ZNF385B: variants seen among roughly 807,000 people sequenced by gnomAD.
ZNF385B encodes the protein zinc finger protein 385B, also known as zinc finger protein 533.
In ZNF385B, 23 loss-of-function variants were observed where a neutral mutation model predicts 39.2. The ratio of observed to expected loss-of-function variants is 0.59; its 90% CI spans 0.42 to 0.83. The LOEUF (loss-of-function observed/expected upper bound fraction) is 0.83. ZNF385B is among the 40% of genes least tolerant of loss of function. ZNF385B has a pLI of 0.00. For synonymous variants in ZNF385B, 205 were observed against 222.6 expected (o/e 0.92, Z 0.70); for missense variants, 552 against 598.9 (o/e 0.92, Z 0.82).
intron 1 of ZNF385B, among the ~76,000 whole-genome samples, chr2:179,843,410 T>G (rs1237675269): frequency 2.6e-5 from 4 of 152,240 alleles, no homozygotes; most frequent in African/African-American, 4.8e-5. Context: ...TAGATTCATT[T>G]TGTTAACAGA....
intron 5 of ZNF385B, among the ~76,000 whole-genome samples, chr2:179,494,350 G>A (rs1030872812): frequency 6.6e-6 from 1 of 152,134 alleles, no homozygotes; most frequent in Non-Finnish European, 1.5e-5. Context: ...GTTGCTGTAT[G>A]GAGAACCAAC....
At chr2:179,592,054 A>G (rs1687610045) in intron 3 of ZNF385B, among the ~76,000 whole-genome samples, 1 of 152,224 alleles carries the variant, frequency 6.6e-6, no homozygotes, top group Admixed American at 6.5e-5. Context: ...TATCTTTTCA[A>G]AAGTTACACC....
Position 179,662,641 on chromosome 2 carries a change from C to T in ZNF385B, c.298+106862G>A, listed in dbSNP as rs569689118. The stretch of plus-strand genomic sequence containing the variant: ...GGAACTGGGATGTTTTCCATTTGTA[C>T]TCTCCTTAATTCTTCCTTAATCAGG... On this transcript the variant is annotated intron_variant, in intron 3 of 9. Coordinates refer to ENST00000410066, the MANE Select transcript of ZNF385B (RefSeq NM_152520.6). Among the ~76,000 whole-genome samples, 7 of 152,264 alleles carry T rather than the reference C, an allele frequency of 4.6e-5. No individual in the cohort carries two copies. In the South Asian group the frequency reaches 1.2e-3, roughly 27 times the overall value.
intron 5 of ZNF385B, among the ~76,000 whole-genome samples, chr2:179,494,556 G>A (rs1416815472): frequency 6.6e-6 from 1 of 151,934 alleles, no homozygotes; most frequent in East Asian, 1.9e-4. Flanking sequence ...TAATTTTGAT[G>A]GAATTTTATG....
rs1704708426 is a variant in ZNF385B at position 179,782,205 on chromosome 2, A to G, written c.-154-11533T>C. Among the ~76,000 whole-genome samples, 2 of 152,224 alleles carry G rather than the reference A, an allele frequency of 1.3e-5. 1 individual carries two copies. The highest frequency in any genetic ancestry group is 2.9e-5 in the Non-Finnish European group (2 of 68,036). On this transcript the variant is annotated intron_variant, in intron 1 of 9. Coordinates refer to ENST00000410066, the MANE Select transcript of ZNF385B (RefSeq NM_152520.6). ...ACATGCAAATCAATAAATGTGATTC[A>G]TCACATAAACAGAACTAAAAAGAAA... is the stretch of plus-strand genomic sequence containing the variant.
chr2:179,695,462 A>G (rs545815357), intron 3 of ZNF385B, among the ~76,000 whole-genome samples: 1 of 152,240 alleles, frequency 6.6e-6, no homozygotes, highest in Non-Finnish European at 1.5e-5. Context: ...TGTTTCTAGA[A>G]TATATAAAGG....
chr2:179,459,296 C>T (rs748455052), intron 6 of ZNF385B, among the ~76,000 whole-genome samples: 1 of 150,190 alleles, frequency 6.7e-6, no homozygotes, highest in Non-Finnish European at 1.5e-5. Flanking sequence ...TGAGAGATGG[C>T]AAAGATTTAG....
At chr2:179,512,276 C>T (rs1182476241) in intron 5 of ZNF385B, among the ~76,000 whole-genome samples, 2 of 152,212 alleles carry the variant, frequency 1.3e-5, no homozygotes, top group East Asian at 3.9e-4. Flanking sequence ...TGTTTTTAAA[C>T]ATTTAAGAGA....
chr2:179,842,914 C>T (rs1011166612), intron 1 of ZNF385B, among the ~76,000 whole-genome samples: 1 of 152,184 alleles, frequency 6.6e-6, no homozygotes, highest in Non-Finnish European at 1.5e-5. Flanking sequence ...AAAGGCCTCT[C>T]CAGACTTTGG....
Position 179,547,699 on chromosome 2 carries a change from G to A in ZNF385B, c.299-2730C>T, listed in dbSNP as rs547457796. Among the ~76,000 whole-genome samples the A allele has an allele frequency of 3.3e-5, 5 of 149,546 alleles. No homozygotes were observed. In the East Asian group the frequency reaches 9.7e-4, roughly 29 times the overall value. ...GTTTAGAATAGCTTTGGCTATTCTG[G>A]ATCCTTTGTGCTTCCATATACATTT... On this transcript the variant is annotated intron_variant, in intron 3 of 9. Coordinates refer to ENST00000410066, the MANE Select transcript of ZNF385B (RefSeq NM_152520.6).
At chr2:179,454,026 G>A (rs902425644) in intron 6 of ZNF385B, among the ~76,000 whole-genome samples, 9 of 152,178 alleles carry the variant, frequency 5.9e-5, no homozygotes, top group African/African-American at 1.9e-4. Context: ...GAACACGGAA[G>A]AAAGAGCAGA....
rs1413973231 is a variant in ZNF385B at position 179,780,187 on chromosome 2, C to A, written c.-154-9515G>T. 2.0e-5 allele frequency among the ~76,000 whole-genome samples: 3 copies of A among 152,102 alleles called. No individual in the cohort carries two copies. In the East Asian group the frequency reaches 5.8e-4, roughly 29 times the overall value. ...GCCACCAACAGACTTTACCCTGCCACCAACAAGATGTGGAAAGAGCATTTG... is the reference window on the plus strand; with the variant it reads ...GCCACCAACAGACTTTACCCTGCCAACAACAAGATGTGGAAAGAGCATTTG... On this transcript the variant is annotated intron_variant, in intron 1 of 9. Coordinates refer to ENST00000410066, the MANE Select transcript of ZNF385B (RefSeq NM_152520.6).
At chr2:179,613,188 C>G (rs577600255) in intron 3 of ZNF385B, among the ~76,000 whole-genome samples, 1 of 152,308 alleles carries the variant, frequency 6.6e-6, no homozygotes, top group South Asian at 2.1e-4. Flanking sequence ...GAGCCAAACC[C>G]TGGAACTGAG....
At chr2:179,597,293 A>G (rs181702485) in intron 3 of ZNF385B, among the ~76,000 whole-genome samples, 1 of 152,198 alleles carries the variant, frequency 6.6e-6, no homozygotes, top group African/African-American at 2.4e-5. Flanking sequence ...AACAGCCACA[A>G]ATCTGGGTTT....
At chr2:179,582,684 A>C (rs1686666064) in intron 3 of ZNF385B, among the ~76,000 whole-genome samples, 1 of 152,220 alleles carries the variant, frequency 6.6e-6, no homozygotes, top group Non-Finnish European at 1.5e-5. Flanking sequence ...TGTGCCAGTA[A>C]TTTGCATTTT....
chr2:179,722,860 T>A (rs1700780270), intron 3 of ZNF385B, among the ~76,000 whole-genome samples: 1 of 152,088 alleles, frequency 6.6e-6, no homozygotes, highest in Non-Finnish European at 1.5e-5. Flanking sequence ...CTACAAATAA[T>A]TTTTTTAAAT....
chr2:179,803,057 T>A (rs533490410), intron 1 of ZNF385B, among the ~76,000 whole-genome samples: 2 of 152,278 alleles, frequency 1.3e-5, no homozygotes, highest in Non-Finnish European at 2.9e-5. Context: ...AATACTGTTG[T>A]GAGGGAAACA....
At chr2:179,758,262 T>G (rs1255040095) in intron 3 of ZNF385B, among the ~76,000 whole-genome samples, 1 of 152,174 alleles carries the variant, frequency 6.6e-6, no homozygotes, top group African/African-American at 2.4e-5. Context: ...ATAATAGAAA[T>G]TTATTTCTCA....
intron 3 of ZNF385B, among the ~76,000 whole-genome samples, chr2:179,755,763 T>C (rs1235895134): frequency 6.6e-6 from 1 of 152,174 alleles, no homozygotes; most frequent in East Asian, 1.9e-4. Context: ...ACCCCTGCCT[T>C]TTTCTGTTTT....
Sources: allele counts gnomAD v4.1 joint callset (sites outside exome capture counted in the v4.1 genomes callset), GRCh38; gene constraint gnomAD v4.1.1; transcripts MANE v1.5; gene names NCBI Gene and HGNC (gene_info 2026-07-23, HGNC 2026-07-21).